DYM: variants seen among roughly 807,000 people sequenced by gnomAD.
DYM encodes the protein dymeclin.
Under a neutral mutation model 93.1 loss-of-function variants are expected in DYM, and 78 were observed. That is an observed-to-expected ratio of 0.84 (90% CI 0.70 to 1.01). DYM has a LOEUF of 1.01. Among genes scored for constraint, DYM ranks in the 50% least tolerant of loss-of-function variants. The probability of loss-of-function intolerance (pLI) is 0.00; values close to 1 mark genes in which losing one functional copy is unlikely to be tolerated. For missense variants in DYM, 789 were observed against 845.0 expected (o/e 0.93, Z 0.82); for synonymous variants, 321 against 319.7 (o/e 1.00, Z -0.04).
intron 8 of DYM, among the ~76,000 whole-genome samples, chr18:49,287,250 G>A (rs1324368760): frequency 6.6e-6 from 1 of 151,576 alleles, no homozygotes; most frequent in South Asian, 2.1e-4. Context: ...TACAAGAATT[G>A]TTCACCATTT....
intron 7 of DYM, among the ~76,000 whole-genome samples, chr18:49,332,326 T>C (rs1352144392): frequency 6.6e-6 from 1 of 152,142 alleles, no homozygotes; most frequent in Non-Finnish European, 1.5e-5. Context: ...GGTCTCAAAC[T>C]CCTAAACTCA....
At chr18:49,100,200 C>G (rs182905867) in intron 16 of DYM, among the ~76,000 whole-genome samples, 2 of 152,200 alleles carry the variant, frequency 1.3e-5, no homozygotes, top group East Asian at 3.9e-4. Context: ...TAAATAACAG[C>G]TCTAATATTT....
Position 49,258,837 on chromosome 18 carries a change from CACAGAGAGAGAGAGAGAG to C in DYM, c.1252-362_1252-345del, listed in dbSNP as rs2094439935. On this transcript the variant is annotated intron_variant, in intron 11 of 17. Coordinates refer to ENST00000675505, the MANE Select transcript of DYM (RefSeq NM_001353214.3). ...ACACACACACAGAGACACACACACA[CACAGAGAGAGAGAGAGAG>C]AGAGAGAGAGAGAGAGAGAGAGAGA... Among the ~76,000 whole-genome samples the C allele has an allele frequency of 4.3e-4, 60 of 138,140 alleles. 1 individual carries two copies. Among genetic ancestry groups the C allele is most frequent in the African/African-American group, 1.5e-3 (52 of 35,586 alleles). 90.6% of individuals were successfully genotyped at this position (138,140 alleles called of 152,430 possible).
chr18:49,078,976 G>GT (rs927897158), intron 17 of DYM, among the ~76,000 whole-genome samples: 5 of 152,156 alleles, frequency 3.3e-5, no homozygotes, highest in African/African-American at 1.2e-4. Flanking sequence ...TTGGTACTAT[G>GT]TTATACTTTG....
intron 17 of DYM, among the ~76,000 whole-genome samples, chr18:49,077,929 A>T (rs1039445952): frequency 2.0e-5 from 3 of 152,250 alleles, no homozygotes; most frequent in Non-Finnish European, 4.4e-5. Flanking sequence ...TGTTTGGTCC[A>T]TTAACATTCC....
At chr18:49,379,854 AT>A in intron 3 of DYM, 96 bp from the exon 4 acceptor site, 1 of 993,320 alleles carries the variant, frequency 1.0e-6, no homozygotes, top group Non-Finnish European at 1.6e-6. Flanking sequence ...TCATATTAAA[AT>A]TGCTCAGTGA....
chr18:49,368,494 T>A (rs2066707798), intron 5 of DYM: 1 of 152,224 alleles, frequency 6.6e-6, no homozygotes, highest in African/African-American at 2.4e-5. Flanking sequence ...TATGGGTTTG[T>A]TTTTTGCATT....
At chr18:49,360,232 G>T (rs1305863484) in intron 6 of DYM, among the ~76,000 whole-genome samples, 1 of 142,190 alleles carries the variant, frequency 7.0e-6, no homozygotes, top group African/African-American at 2.6e-5. Flanking sequence ...CACCCTGAAT[G>T]TCACCAAAAC....
In DYM at chr18:49,317,591, CTCTCT is replaced by C. The variant is rs1440809846; in HGVS notation, c.763+14268_763+14272del. ...TCTCTCTCTCTCTCTCTCTCTCTCT[CTCTCT>C]CCCCCCTCCCCCCTCCCTCCCTCCC... On this transcript the variant is annotated intron_variant, in intron 8 of 17. Coordinates refer to ENST00000675505, the MANE Select transcript of DYM (RefSeq NM_001353214.3). 1.9e-3 allele frequency among the ~76,000 whole-genome samples: 21 copies of C among 10,982 alleles called. No homozygotes were observed. The East Asian group carries it at 0.02, about 11-fold the overall frequency. 7.2% of individuals were successfully genotyped at this position (10,982 alleles called of 152,430 possible).
chr18:49,331,817 T>C, intron 8 of DYM, 47 bp downstream of exon 8: 1 of 1,610,500 alleles, frequency 6.2e-7, no homozygotes, highest in Non-Finnish European at 8.5e-7. Context: ...CCTAAATAGA[T>C]AAAATTTATG....
chr18:49,350,716 GAAAAAAAAAGAAAAAA>G (rs2065035351), intron 6 of DYM, among the ~76,000 whole-genome samples: 1 of 54,804 alleles, frequency 1.8e-5, no homozygotes, highest in Admixed American at 1.8e-4. Context: ...AAGAAAAAAA[GAAAAAAAAAGAAAAAA>G]AAAAAAAAAA....
chr18:49,300,046 A>G (rs1310376663), intron 8 of DYM, among the ~76,000 whole-genome samples: 2 of 144,096 alleles, frequency 1.4e-5, no homozygotes, highest in Admixed American at 1.4e-4. Context: ...CGTCTCGAGA[A>G]AAAAAAAAAA....
At chr18:49,388,906 T>G (rs1391257017) in intron 3 of DYM, among the ~76,000 whole-genome samples, 2 of 100,910 alleles carry the variant, frequency 2.0e-5, no homozygotes, top group East Asian at 3.2e-4. Flanking sequence ...AATAGCACAT[T>G]TTCAGACAAA....
intron 15 of DYM, among the ~76,000 whole-genome samples, chr18:49,120,078 CAAAAAAA>C (rs71165367): frequency 1.8e-5 from 1 of 56,182 alleles, no homozygotes; most frequent in African/African-American, 5.9e-5. Context: ...GATCCTGTCT[CAAAAAAA>C]AAAAAAAAAA....
At chr18:49,455,607 C>A (rs1183914026) in intron 1 of DYM, among the ~76,000 whole-genome samples, 1 of 152,066 alleles carries the variant, frequency 6.6e-6, no homozygotes, top group Non-Finnish European at 1.5e-5. Context: ...GGACTCAAAC[C>A]TAGAGTTTCA....
chr18:49,079,957 C>A (rs867272074), intron 17 of DYM, among the ~76,000 whole-genome samples: 3,778 of 150,832 alleles, frequency 0.025, 65 homozygotes, highest in Non-Finnish European at 0.042. Flanking sequence ...GGCAGAGGGG[C>A]TCCTCACTTC....
At position 49,215,922 on chromosome 18, in the gene DYM, C is replaced by T. The variant is rs374378528; in HGVS notation, c.1461-6207G>A. On this transcript the variant is annotated intron_variant, in intron 13 of 17. Coordinates refer to ENST00000675505, the MANE Select transcript of DYM (RefSeq NM_001353214.3). Reference sequence around the variant, plus strand: ...GTGCAGGACAGTGGGTGCAGCGCACCGTGCGGGAGCCGAAGCAGGGCGAGG... The same window carrying T: ...GTGCAGGACAGTGGGTGCAGCGCACTGTGCGGGAGCCGAAGCAGGGCGAGG... 2.7e-4 allele frequency among the ~76,000 whole-genome samples: 41 copies of T among 152,278 alleles called. No individual in the cohort carries two copies. The East Asian group carries it at 4.6e-3, about 17-fold the overall frequency.
intron 1 of DYM, among the ~76,000 whole-genome samples, chr18:49,455,365 C>G (rs954204108): frequency 6.6e-6 from 1 of 152,216 alleles, no homozygotes; most frequent in Non-Finnish European, 1.5e-5. Flanking sequence ...TTGTCCATCT[C>G]TAATTCTCAT....
intron 13 of DYM, among the ~76,000 whole-genome samples, chr18:49,249,399 T>C (rs1024301233): frequency 1.3e-5 from 2 of 152,192 alleles, no homozygotes; most frequent in Admixed American, 1.3e-4. Flanking sequence ...GTGTGTAATA[T>C]AAATTCATCC....
Sources: gnomAD v4.1 joint callset for allele counts (sites outside exome capture counted in the v4.1 genomes callset) on GRCh38, gnomAD v4.1.1 for gene constraint, MANE v1.5 for transcripts, NCBI Gene and HGNC (gene_info 2026-07-23, HGNC 2026-07-21) for gene names.